The following ADAMTS17 variants were observed in gnomAD, a reference collection of about 807,000 sequenced individuals.
ADAMTS17 encodes the protein ADAM metallopeptidase with thrombospondin type 1 motif 17, also known as A disintegrin and metalloproteinase with thrombospondin motifs 17.
Under a neutral mutation model 141.5 loss-of-function variants are expected in ADAMTS17, and 113 were observed. The ratio of observed to expected loss-of-function variants is 0.80; its 90% CI spans 0.69 to 0.93. The LOEUF is 0.93. Among genes scored for constraint, ADAMTS17 ranks in the 40% least tolerant of loss-of-function variants. The pLI, the probability that ADAMTS17 is intolerant of heterozygous loss-of-function variation, is 0.00. For missense variants in ADAMTS17, 1,659 were observed against 1,517.9 expected (o/e 1.09, Z -1.54); for synonymous variants, 768 against 630.6 (o/e 1.22, Z -3.27).
At chr15:100,111,778 A>T (rs932918544) in intron 13 of ADAMTS17, among the ~76,000 whole-genome samples, 4 of 152,260 alleles carry the variant, frequency 2.6e-5, no homozygotes, top group Non-Finnish European at 5.9e-5. Flanking sequence ...TCCAGGCAGC[A>T]TGCTAAGTAG....
At chr15:99,979,796 T>C (rs919383717) in intron 20 of ADAMTS17, 1 of 152,162 alleles carries the variant, frequency 6.6e-6, no homozygotes, top group South Asian at 2.1e-4. Flanking sequence ...CCAAGGAAAA[T>C]AGCAACATTT....
chr15:100,288,006 A>G (rs1461883984), intron 3 of ADAMTS17, among the ~76,000 whole-genome samples: 1 of 152,224 alleles, frequency 6.6e-6, no homozygotes, highest in Non-Finnish European at 1.5e-5. Context: ...ATCTGTATAT[A>G]TCGATATTAG....
At chr15:100,056,787 G>A (rs985658769) in intron 15 of ADAMTS17, among the ~76,000 whole-genome samples, 1 of 152,070 alleles carries the variant, frequency 6.6e-6, no homozygotes, top group Admixed American at 6.5e-5. Flanking sequence ...CATTCCCTCA[G>A]CCTATTTTGA....
At chr15:100,213,083 T>C (rs181989929) in intron 7 of ADAMTS17, among the ~76,000 whole-genome samples, 11 of 152,324 alleles carry the variant, frequency 7.2e-5, no homozygotes, top group Admixed American at 5.9e-4. Flanking sequence ...TGAGTGTGTA[T>C]ATATAAAATA....
At position 99,993,056 on chromosome 15, in the gene ADAMTS17, A is replaced by G; in HGVS notation, c.2941T>C (p.Trp981Arg). ...CAGCAGGCTGCTCTCACCGTAGACC[A>G]GTCCCCAGTTTTCCACTCGTAGCAG... ...SGCYEWKTGD[W>R]STCSSTCGKG... Residue 981 changes from tryptophan to arginine, a missense_variant, in exon 20 of 22, where the codon TGG (tryptophan) becomes CGG (arginine). Transcript: ENST00000268070. The surrounding 1 kb of genome is among the most constrained non-coding windows in gnomAD (Gnocchi z 4.3). The G allele has an allele frequency of 1.2e-6, 2 of 1,614,114 alleles. No homozygotes were observed. The highest frequency in any genetic ancestry group is 1.7e-6 in the Non-Finnish European group (2 of 1,180,024).
At position 100,299,933 on chromosome 15, in the gene ADAMTS17, T is replaced by C. The variant is rs1007619887; in HGVS notation, c.617-18532A>G. 2.4e-4 allele frequency among the ~76,000 whole-genome samples: 37 copies of C among 152,334 alleles called. 1 individual carries two copies. Among genetic ancestry groups the C allele is most frequent in the Middle Eastern group, 3.4e-3 (1 of 294 alleles). ...AACAGCCCTCTCTCCTCTGTACCTC[T>C]TGTGCTGAGAAGGGCACCAGGAACA... On this transcript the variant is annotated intron_variant, in intron 3 of 21. Coordinates refer to ENST00000268070, the MANE Select transcript of ADAMTS17 (RefSeq NM_139057.4).
intron 8 of ADAMTS17, among the ~76,000 whole-genome samples, chr15:100,166,676 A>G (rs1445915737): frequency 1.3e-5 from 2 of 152,216 alleles, no homozygotes; most frequent in Non-Finnish European, 2.9e-5. Flanking sequence ...CAAGGTTCCT[A>G]AACTCCTGGG....
chr15:100,152,234 A>G (rs939239825), intron 10 of ADAMTS17, among the ~76,000 whole-genome samples: 5 of 152,174 alleles, frequency 3.3e-5, no homozygotes, highest in Non-Finnish European at 5.9e-5. Flanking sequence ...AAGTCAGGCG[A>G]CAGTGTCCTG....
chr15:100,132,137 C>G lies in ADAMTS17; in HGVS notation c.1591G>C (p.Glu531Gln), dbSNP rs775004866. Residue 531 changes from glutamate to glutamine, a missense_variant, in exon 12 of 22, where the codon GAG becomes CAG. Glu to Gln is a conservative substitution (Grantham distance 29, BLOSUM62 2). Coordinates refer to ENST00000268070, the MANE Select transcript of ADAMTS17 (RefSeq NM_139057.4). ...CGADKWCRAGECVSKTPIPEH... is the reference protein window; with the variant it reads ...CGADKWCRAGQCVSKTPIPEH... The stretch of plus-strand genomic sequence containing the variant: ...GGGATGGGCGTCTTGCTCACGCACT[C>G]CCCCGCGCGGCACCACTGAAACACA... 1.9e-6 allele frequency: 3 copies of G among 1,613,676 alleles called. No homozygotes were observed. Among genetic ancestry groups the G allele is most frequent in the African/African-American group, 1.3e-5 (1 of 75,060 alleles).
At chr15:100,284,192 G>C (rs139668428) in intron 3 of ADAMTS17, among the ~76,000 whole-genome samples, 1 of 152,338 alleles carries the variant, frequency 6.6e-6, no homozygotes, top group Non-Finnish European at 1.5e-5. Context: ...TATAAGACCT[G>C]TGCCTCCCTA....
At chr15:100,042,914 G>C (rs1213003902) in intron 18 of ADAMTS17, among the ~76,000 whole-genome samples, 1 of 152,124 alleles carries the variant, frequency 6.6e-6, no homozygotes, top group African/African-American at 2.4e-5. Context: ...GCAAATAAGT[G>C]GGAACTACTG....
At chr15:100,107,723 T>C (rs1314156220) in intron 14 of ADAMTS17, among the ~76,000 whole-genome samples, 1 of 152,100 alleles carries the variant, frequency 6.6e-6, no homozygotes, top group South Asian at 2.1e-4. Context: ...AGAAACACTG[T>C]CTATGATAAG....
chr15:100,029,927 C>A (rs983870546), intron 18 of ADAMTS17, among the ~76,000 whole-genome samples: 1 of 152,218 alleles, frequency 6.6e-6, no homozygotes, highest in Non-Finnish European at 1.5e-5. Context: ...TCTGGATGTA[C>A]TGAATCAGAA....
chr15:99,976,613 G>C (rs567001737), intron 20 of ADAMTS17: 66 of 371,778 alleles, frequency 1.8e-4, no homozygotes, highest in Non-Finnish European at 2.7e-4. Context: ...TGGGAGGTGA[G>C]TAGGGTTAGA....
chr15:100,024,210 G>A (rs577147092), intron 18 of ADAMTS17, among the ~76,000 whole-genome samples: 6 of 152,140 alleles, frequency 3.9e-5, no homozygotes, highest in East Asian at 1.9e-4. Context: ...CTCCTGCGTC[G>A]GCCTCCCGAA....
intron 3 of ADAMTS17, among the ~76,000 whole-genome samples, chr15:100,298,269 T>C (rs918259998): frequency 1.3e-5 from 2 of 152,096 alleles, no homozygotes; most frequent in African/African-American, 4.8e-5. Context: ...GAAGACTGCC[T>C]CCCTCAGTTT....
At chr15:100,279,349 C>G (rs1190943014) in intron 4 of ADAMTS17, among the ~76,000 whole-genome samples, 2 of 152,196 alleles carry the variant, frequency 1.3e-5, no homozygotes, top group Non-Finnish European at 2.9e-5. Flanking sequence ...TGGCCTGGGC[C>G]AGCCCAGGCT....
intron 3 of ADAMTS17, among the ~76,000 whole-genome samples, chr15:100,302,494 TCAA>T (rs2045074424): frequency 1.3e-5 from 2 of 152,192 alleles, no homozygotes; most frequent in Admixed American, 6.5e-5. Context: ...ACTGTTTTCT[TCAA>T]CAACTGCACC....
intron 2 of ADAMTS17, among the ~76,000 whole-genome samples, chr15:100,333,399 G>A (rs1042894274): frequency 6.6e-5 from 10 of 152,150 alleles, no homozygotes; most frequent in East Asian, 1.9e-4. Flanking sequence ...GGGGAGCTTC[G>A]AAAACTCCTG....
Sources: gnomAD v4.1 joint callset for allele counts (sites outside exome capture counted in the v4.1 genomes callset) on GRCh38, gnomAD v4.1.1 for gene constraint, Gnocchi (gnomAD v3.1) non-coding constraint, MANE v1.5 for transcripts, NCBI Gene and HGNC (gene_info 2026-07-23, HGNC 2026-07-21) for gene names.